Variants in GRM7 observed in about 807,000 individuals in gnomAD.
GRM7 encodes metabotropic glutamate receptor 7.
In GRM7, 35 loss-of-function variants were observed where a neutral mutation model predicts 84.5. The ratio of observed to expected loss-of-function variants is 0.41; its 90% CI spans 0.32 to 0.55. GRM7 has a LOEUF of 0.55. Ranked by LOEUF, GRM7 falls within the 20% of genes least tolerant of loss-of-function variation. The probability of loss-of-function intolerance (pLI) is 0.19; values close to 1 mark genes in which losing one functional copy is unlikely to be tolerated. For missense variants in GRM7, 1,003 were observed against 1,194.6 expected (o/e 0.84, Z 2.36); for synonymous variants, 487 against 455.1 (o/e 1.07, Z -0.89).
rs530964477 is a variant in GRM7 at position 7,023,505 on chromosome 3, G to A, written c.520-122947G>A. Among the ~76,000 whole-genome samples the A allele has an allele frequency of 7.2e-5, 11 of 152,220 alleles. No individual in the cohort carries two copies. The East Asian group carries it at 7.8e-4, about 11-fold the overall frequency. ...TGCCCCAACATAAGGGGCACTCACC[G>A]CGTGAGTCTTCTAGGACTGCAGTAA... On this transcript the variant is annotated intron_variant, in intron 1 of 9. Transcript: ENST00000357716.
Position 7,680,207 on chromosome 3 carries a change from C to T in GRM7, c.2610C>T (p.Ala870=). ...GCTTCAAGGCGGTAGTCACAGCAGC[C>T]ACCATGTCATCGAGGCTGTCACACA... ...KRSFKAVVTA[A]TMSSRLSHKP... Residue 870 remains alanine (A), a synonymous_variant, in exon 9 of 10, where the codon GCC becomes GCT. Coordinates refer to ENST00000357716, the MANE Select transcript of GRM7 (RefSeq NM_000844.4). The T allele has an allele frequency of 6.2e-7, 1 of 1,614,170 alleles. No individual in the cohort carries two copies. The highest frequency in any genetic ancestry group is 2.2e-5 in the East Asian group (1 of 44,870).
intron 4 of GRM7, among the ~76,000 whole-genome samples, chr3:7,397,362 G>T (rs1436590839): frequency 6.6e-6 from 1 of 152,132 alleles, no homozygotes; most frequent in Non-Finnish European, 1.5e-5. Context: ...ATCATCCCTT[G>T]ACTCAAAGCC....
At chr3:7,037,936 G>A (rs1025606469) in intron 1 of GRM7, among the ~76,000 whole-genome samples, 27 of 152,018 alleles carry the variant, frequency 1.8e-4, no homozygotes, top group African/African-American at 6.3e-4. Context: ...TAAACATAAA[G>A]TACTCAACTT....
chr3:7,364,516 C>T (rs1559268334), intron 4 of GRM7, among the ~76,000 whole-genome samples: 1 of 151,430 alleles, frequency 6.6e-6, no homozygotes, highest in African/African-American at 2.4e-5. Context: ...ATATAATTTG[C>T]TTTTTTTCTA....
intron 4 of GRM7, among the ~76,000 whole-genome samples, chr3:7,389,943 G>T (rs1378396464): frequency 6.6e-6 from 1 of 152,018 alleles, no homozygotes; most frequent in Non-Finnish European, 1.5e-5. Flanking sequence ...AGTATTGATT[G>T]CTTGTGCAGT....
intron 4 of GRM7, among the ~76,000 whole-genome samples, chr3:7,315,021 CT>C (rs1308602977): frequency 6.6e-6 from 1 of 151,488 alleles, no homozygotes; most frequent in Non-Finnish European, 1.5e-5. Flanking sequence ...TTACTGAAAT[CT>C]GTTTTTTTTT....
At chr3:7,300,851 T>C (rs1029287723) in intron 3 of GRM7, among the ~76,000 whole-genome samples, 7 of 152,158 alleles carry the variant, frequency 4.6e-5, no homozygotes, top group African/African-American at 1.7e-4. Context: ...CTTCACTAGT[T>C]CGTAAAATTA....
chr3:7,118,504 C>A (rs1693115668), intron 1 of GRM7, among the ~76,000 whole-genome samples: 1 of 148,272 alleles, frequency 6.7e-6, no homozygotes, highest in African/African-American at 2.5e-5. Flanking sequence ...TTGAACTTTC[C>A]TCTAAAAAAA....
chr3:7,111,500 A>C (rs1389654667), intron 1 of GRM7, among the ~76,000 whole-genome samples: 1 of 152,130 alleles, frequency 6.6e-6, no homozygotes, highest in Non-Finnish European at 1.5e-5. Context: ...AGAATGGAAG[A>C]AAGCATCAGG....
chr3:7,031,169 C>G (rs1696169351), intron 1 of GRM7, among the ~76,000 whole-genome samples: 1 of 151,826 alleles, frequency 6.6e-6, no homozygotes, highest in African/African-American at 2.4e-5. Context: ...GGATAAAATC[C>G]AGTCACTTCA....
chr3:6,980,245 A>G (rs1241337910), intron 1 of GRM7, among the ~76,000 whole-genome samples: 2 of 152,316 alleles, frequency 1.3e-5, no homozygotes, highest in Middle Eastern at 3.4e-3. Context: ...TAATGATTAC[A>G]CAATACTTAC....
intron 2 of GRM7, among the ~76,000 whole-genome samples, chr3:7,157,143 G>A (rs1480890597): frequency 6.6e-6 from 1 of 152,052 alleles, no homozygotes; most frequent in Non-Finnish European, 1.5e-5. Flanking sequence ...CAACTCCATG[G>A]AGGCCTTCAA....
At chr3:7,101,735 A>T (rs1038732106) in intron 1 of GRM7, among the ~76,000 whole-genome samples, 1 of 149,138 alleles carries the variant, frequency 6.7e-6, no homozygotes, top group Non-Finnish European at 1.5e-5. Context: ...ATATCTACAG[A>T]GAGAGCTTTA....
At chr3:7,023,786 A>C (rs1695868952) in intron 1 of GRM7, among the ~76,000 whole-genome samples, 1 of 152,048 alleles carries the variant, frequency 6.6e-6, no homozygotes, top group Non-Finnish European at 1.5e-5. Flanking sequence ...CCCTATTTCC[A>C]AGTAAGGTCA....
intron 2 of GRM7, among the ~76,000 whole-genome samples, chr3:7,271,497 T>C (rs1426997124): frequency 6.7e-6 from 1 of 150,058 alleles, no homozygotes; most frequent in Middle Eastern, 3.4e-3. Flanking sequence ...AGGCGGAGCT[T>C]GCAGTGAGCT....
chr3:7,255,755 T>C (rs1698171410), intron 2 of GRM7, among the ~76,000 whole-genome samples: 1 of 152,220 alleles, frequency 6.6e-6, no homozygotes, highest in African/African-American at 2.4e-5. Context: ...AATTTCCTTA[T>C]AATTGACACG....
rs1251549092 is a variant in GRM7, at chr3:6,861,184, C to A, written c.-205C>A. 1 of 452,892 alleles carries A rather than the reference C, an allele frequency of 2.2e-6. No individual in the cohort carries two copies. The highest frequency in any genetic ancestry group is 3.8e-6 in the Non-Finnish European group (1 of 262,588). 28.1% of individuals were successfully genotyped at this position (452,892 alleles called of 1,614,324 possible). ...GAGCGCGGCGCGCCGGCCGGCTAACCCGAGAGCGCGAGGCGCCCCAGGCTG... is the reference window on the plus strand; with the variant it reads ...GAGCGCGGCGCGCCGGCCGGCTAACACGAGAGCGCGAGGCGCCCCAGGCTG... On this transcript the variant is annotated 5_prime_UTR_variant, in exon 1 of 10. Coordinates refer to ENST00000357716, the MANE Select transcript of GRM7 (RefSeq NM_000844.4). The surrounding 1 kb of genome is among the most constrained non-coding windows in gnomAD (Gnocchi z 6.4).
chr3:7,492,164 G>T (rs1302950626), intron 7 of GRM7, among the ~76,000 whole-genome samples: 1 of 152,094 alleles, frequency 6.6e-6, no homozygotes, highest in African/African-American at 2.4e-5. Context: ...TTGGTCTGTG[G>T]TTATTGTTTT....
At position 7,543,063 on chromosome 3, in the gene GRM7, C is replaced by T. The variant is rs541100112; in HGVS notation, c.1516-35359C>T. Among the ~76,000 whole-genome samples the T allele has an allele frequency of 1.2e-4, 19 of 152,044 alleles. No individual in the cohort carries two copies. In the South Asian group the frequency reaches 2.9e-3, roughly 23 times the overall value. Reference sequence around the variant, plus strand: ...CACAAGAAGTTTTTATTTGAATGGACGAATGAATGAACAAATGAATGAATG... The same window carrying T: ...CACAAGAAGTTTTTATTTGAATGGATGAATGAATGAACAAATGAATGAATG... On this transcript the variant is annotated intron_variant, in intron 7 of 9. Transcript: ENST00000357716.
Sources: allele counts gnomAD v4.1 joint callset (sites outside exome capture counted in the v4.1 genomes callset), GRCh38; gene constraint gnomAD v4.1.1; non-coding constraint Gnocchi (gnomAD v3.1); transcripts MANE v1.5; gene names NCBI Gene and HGNC (gene_info 2026-07-23, HGNC 2026-07-21).